Variants in ZNF705A observed in about 807,000 individuals in gnomAD.
ZNF705A encodes the protein zinc finger protein 705A.
In ZNF705A, 8 loss-of-function variants were observed where a neutral mutation model predicts 16.6. That is an observed-to-expected ratio of 0.48 (90% CI 0.28 to 0.87). ZNF705A has a LOEUF of 0.87. Among genes scored for constraint, ZNF705A ranks in the 40% least tolerant of loss-of-function variants. The pLI, the probability that ZNF705A is intolerant of heterozygous loss-of-function variation, is 0.10. For synonymous variants in ZNF705A, 73 were observed against 117.3 expected (o/e 0.62, Z 2.44); for missense variants, 233 against 359.9 (o/e 0.65, Z 2.85).
chr12:8,175,775 A>G (rs1948479693), intron 3 of ZNF705A, 85 bp from the exon 5 acceptor site: 1 of 1,597,874 alleles, frequency 6.3e-7, no homozygotes, highest in African/African-American at 1.3e-5. Flanking sequence ...TCAACTTTTG[A>G]AAAAAAGTAA....
intron 1 of ZNF705A, among the ~76,000 whole-genome samples, chr12:8,162,379 C>T (rs1412959728): frequency 6.6e-6 from 1 of 152,126 alleles, no homozygotes; most frequent in Non-Finnish European, 1.5e-5. Flanking sequence ...GAGTAGTCCA[C>T]ACCTTTCAGA....
At chr12:8,166,611 T>G (rs1948401282) in intron 1 of ZNF705A, among the ~76,000 whole-genome samples, 2 of 152,258 alleles carry the variant, frequency 1.3e-5, no homozygotes, top group Non-Finnish European at 2.9e-5. Flanking sequence ...CTCTTTCTTT[T>G]GTAAATTGCC....
upstream of ZNF705A, among the ~76,000 whole-genome samples, chr12:8,171,796 G>A (rs559890156): frequency 6.6e-6 from 1 of 152,136 alleles, no homozygotes; most frequent in African/African-American, 2.4e-5. Flanking sequence ...GAGTGCAGTG[G>A]TGGGATCTCG....
chr12:8,163,780 A>G (rs1948376804), intron 1 of ZNF705A, among the ~76,000 whole-genome samples: 1 of 152,194 alleles, frequency 6.6e-6, no homozygotes, highest in African/African-American at 2.4e-5. Context: ...AAGAGGCTCT[A>G]GTTTGGCTGC....
chr12:8,157,473 A>G (rs1948319259), intron 1 of ZNF705A, among the ~76,000 whole-genome samples: 1 of 152,172 alleles, frequency 6.6e-6, no homozygotes, highest in Admixed American at 6.6e-5. Flanking sequence ...TCCTTGAGAA[A>G]AGCAACACTT....
intron 1 of ZNF705A, among the ~76,000 whole-genome samples, chr12:8,161,780 CA>C (rs2120699230): frequency 6.6e-6 from 1 of 152,266 alleles, no homozygotes; most frequent in South Asian, 2.1e-4. Context: ...AGTACTTACC[CA>C]AAAGCACGGA....
chr12:8,162,176 A>T (rs182654080), intron 1 of ZNF705A, among the ~76,000 whole-genome samples: 24 of 152,256 alleles, frequency 1.6e-4, no homozygotes, highest in African/African-American at 5.8e-4. Flanking sequence ...TCAAACCAGA[A>T]GACACCTTTT....
intron 4 of ZNF705A, 127 bp downstream of exon 5, chr12:8,176,069 AT>A (rs1210962477): frequency 7.0e-7 from 1 of 1,437,170 alleles, no homozygotes; most frequent in African/African-American, 1.4e-5. Flanking sequence ...GCAAAAAAAA[AT>A]TGAATACTTT....
chr12:8,166,467 C>G (rs1948400110), intron 1 of ZNF705A, among the ~76,000 whole-genome samples: 1 of 152,222 alleles, frequency 6.6e-6, no homozygotes, highest in African/African-American at 2.4e-5. Flanking sequence ...ATAAGTCTCA[C>G]AAGTTCTGAT....
At chr12:8,165,770 T>G (rs1565414145) in intron 1 of ZNF705A, among the ~76,000 whole-genome samples, 1 of 152,100 alleles carries the variant, frequency 6.6e-6, no homozygotes. Flanking sequence ...ATTAAGAACA[T>G]ATGGTATTTG....
upstream of ZNF705A, among the ~76,000 whole-genome samples, chr12:8,171,781 C>T (rs1173851496): frequency 1.3e-5 from 2 of 152,202 alleles, no homozygotes; most frequent in East Asian, 1.9e-4. Context: ...CTGTCACCCT[C>T]GCTGGAGTGC....
At chr12:8,168,438 A>G (rs1948417994), upstream of ZNF705A, among the ~76,000 whole-genome samples, 1 of 152,120 alleles carries the variant, frequency 6.6e-6, no homozygotes, top group African/African-American at 2.4e-5. Flanking sequence ...TTATTGTGTG[A>G]ATTGTTACTT....
upstream of ZNF705A, among the ~76,000 whole-genome samples, chr12:8,167,552 G>A (rs1322337705): frequency 6.6e-6 from 1 of 152,184 alleles, no homozygotes; most frequent in African/African-American, 2.4e-5. Context: ...AGACCTTGGG[G>A]AAAGAGAGTC....
exon 5 of ZNF705A, chr12:8,177,888 A>C (rs10770297): frequency 0.53 from 251,435 of 470,288 alleles, 68,020 homozygotes; most frequent in Non-Finnish European, 0.57. Flanking sequence ...CACATCAATA[A>C]ATTCATATGG....
At chr12:8,175,826 A>G (rs750061590) in intron 3 of ZNF705A, 34 bp from the exon 5 acceptor site, 20 of 1,610,600 alleles carry the variant, frequency 1.2e-5, no homozygotes, top group Non-Finnish European at 1.4e-5. Context: ...TTACCATAAT[A>G]CCAATGTAAC....
chr12:8,162,829 T>C (rs1948367564), intron 1 of ZNF705A, among the ~76,000 whole-genome samples: 1 of 152,220 alleles, frequency 6.6e-6, no homozygotes, highest in African/African-American at 2.4e-5. Context: ...CAGACTTTAC[T>C]AGCACTGCTA....
chr12:8,167,938 C>A (rs982636782), upstream of ZNF705A, among the ~76,000 whole-genome samples: 3 of 152,194 alleles, frequency 2.0e-5, no homozygotes, highest in Non-Finnish European at 4.4e-5. Flanking sequence ...AGAGAAGAGG[C>A]TTTAACCTTG....
upstream of ZNF705A, chr12:8,168,891 G>A (rs1948421359): frequency 6.6e-6 from 1 of 152,216 alleles, no homozygotes; most frequent in Admixed American, 6.5e-5. Flanking sequence ...ATTGAGGTAA[G>A]TACTTAGATT....
At chr12:8,157,396 T>C (rs1472076557) in intron 1 of ZNF705A, among the ~76,000 whole-genome samples, 1 of 152,052 alleles carries the variant, frequency 6.6e-6, no homozygotes, top group Non-Finnish European at 1.5e-5. Flanking sequence ...AAGTCTAAAA[T>C]AGAAACCCTT....
Sources: allele counts gnomAD v4.1 joint callset (sites outside exome capture counted in the v4.1 genomes callset), GRCh38; gene constraint gnomAD v4.1.1; transcripts MANE v1.5; gene names NCBI Gene and HGNC (gene_info 2026-07-23, HGNC 2026-07-21).